KLK6: variants seen among roughly 807,000 people sequenced by gnomAD.
The protein encoded by KLK6 is kallikrein-6.
In KLK6, 16 loss-of-function variants were observed where a neutral mutation model predicts 21.7. The ratio of observed to expected loss-of-function variants is 0.74; its 90% CI spans 0.50 to 1.12. KLK6 has a LOEUF of 1.12. Among genes scored for constraint, KLK6 ranks in the 50% most tolerant of loss-of-function variants. The pLI, the probability that KLK6 is intolerant of heterozygous loss-of-function variation, is 0.00. For missense variants in KLK6, 276 were observed against 304.6 expected (o/e 0.91, Z 0.70); for synonymous variants, 116 against 120.1 (o/e 0.97, Z 0.22).
At chr19:50,966,079 C>G (rs182143369) in intron 4 of KLK6, among the ~76,000 whole-genome samples, 193 of 152,260 alleles carry the variant, frequency 1.3e-3, no homozygotes, top group African/African-American at 4.5e-3. Context: ...AACCTCCAGC[C>G]CTGACCTCTC....
chr19:50,964,098 C>T (rs1181586236), intron 4 of KLK6, among the ~76,000 whole-genome samples: 1 of 152,178 alleles, frequency 6.6e-6, no homozygotes, highest in Non-Finnish European at 1.5e-5. Flanking sequence ...CTCCCCTTCT[C>T]TCCCTCTGCT....
chr19:50,959,114 G>T lies in KLK6; in HGVS notation c.*50C>A, dbSNP rs768874555. ...CAAGGTCTAGGTGAGAGACGTTCTG[G>T]AACCAGCCAGTGGGGTGGTAGGTCG... On this transcript the variant is annotated 3_prime_UTR_variant, in exon 7 of 7. Coordinates refer to ENST00000310157, the MANE Select transcript of KLK6 (RefSeq NM_002774.4). 3.1e-6 allele frequency: 5 copies of T among 1,607,484 alleles called. No individual in the cohort carries two copies. The South Asian group carries it at 4.4e-5, about 14-fold the overall frequency.
At position 50,967,035 on chromosome 19, in the gene KLK6, C is replaced by G; in HGVS notation, c.197+134G>C. 4.5e-6 allele frequency: 4 copies of G among 890,460 alleles called. No homozygotes were observed. In the South Asian group the frequency reaches 4.6e-5, roughly 10 times the overall value. 55.2% of individuals were successfully genotyped at this position (890,460 alleles called of 1,614,324 possible). A position where few individuals can be genotyped will look rare whatever the true frequency, so the allele number is the denominator to read the frequency against. ...ACACATTAAGTACTCAATTAAGCAACAGCCGAATGCACCTGGCTATCAGAT... is the reference window on the plus strand; with the variant it reads ...ACACATTAAGTACTCAATTAAGCAAGAGCCGAATGCACCTGGCTATCAGAT... On this transcript the variant is annotated intron_variant, in intron 4 of 6. Transcript: ENST00000310157.
intron 4 of KLK6, among the ~76,000 whole-genome samples, chr19:50,966,575 C>G (rs951012601): frequency 2.0e-5 from 3 of 152,104 alleles, no homozygotes; most frequent in Admixed American, 6.5e-5. Flanking sequence ...GCGAGGCGGG[C>G]GGATCACCTG....
Position 50,959,161 on chromosome 19 carries a change from G to C in KLK6, c.*3C>G. On this transcript the variant is annotated 3_prime_UTR_variant, in exon 7 of 7. Coordinates refer to ENST00000310157, the MANE Select transcript of KLK6 (RefSeq NM_002774.4). ...GTCGGGAGGTAGATGTCACATGTCA[G>C]GGTCACTTGGCCTGAATGGTTTTTT... is the stretch of plus-strand genomic sequence containing the variant. The C allele has an allele frequency of 6.2e-7, 1 of 1,614,138 alleles. No homozygotes were observed. The highest frequency in any genetic ancestry group is 8.5e-7 in the Non-Finnish European group (1 of 1,180,006).
rs199553271 is a variant in KLK6 at position 50,968,061 on chromosome 19, C to T, written c.40+4G>A. ...CCTCCCCCATCCAAATGCCCTTTCC[C>T]CACCTGCAGCAATCAGACTCAGCAC... is the stretch of plus-strand genomic sequence containing the variant. On this transcript the variant is annotated splice_donor_region_variant and intron_variant, in intron 3 of 6. Coordinates refer to ENST00000310157, the MANE Select transcript of KLK6 (RefSeq NM_002774.4). 5 of 1,613,948 alleles carry T rather than the reference C, an allele frequency of 3.1e-6. No individual in the cohort carries two copies. Among genetic ancestry groups the T allele is most frequent in the Non-Finnish European group, 4.2e-6 (5 of 1,179,930 alleles).
At chr19:50,968,207 C>A in intron 2 of KLK6, 95 bp from the exon 3 acceptor site, 1 of 1,120,186 alleles carries the variant, frequency 8.9e-7, no homozygotes, top group Non-Finnish European at 1.4e-6. Context: ...TCCTTCCTGG[C>A]CTGCTATGGT....
chr19:50,963,659 C>T, intron 4 of KLK6, 110 bp from the exon 5 acceptor site: 2 of 1,300,558 alleles, frequency 1.5e-6, no homozygotes, highest in Non-Finnish European at 2.1e-6. Flanking sequence ...ACAGTCTTCC[C>T]CAGCTGGGTA....
intron 3 of KLK6, among the ~76,000 whole-genome samples, chr19:50,967,757 TACAA>T (rs1348760312): frequency 6.6e-6 from 1 of 151,464 alleles, no homozygotes; most frequent in Non-Finnish European, 1.5e-5. Context: ...CCATTCCCAT[TACAA>T]ACCCAACTGT....
chr19:50,958,998 G>T lies in KLK6; in HGVS notation c.*166C>A. The T allele has an allele frequency of 1.4e-6, 1 of 715,750 alleles. No individual in the cohort carries two copies. The allele number at this position is 715,750 out of a possible 1,614,324, so 44.3% of individuals were successfully genotyped here. A position where few individuals can be genotyped will look rare whatever the true frequency, so the allele number is the denominator to read the frequency against. The stretch of plus-strand genomic sequence containing the variant: ...CGTCCTCCCCAGTGATGCAAGGATG[G>T]AGCTGGGGTAAAACCAGGGAGAATC... On this transcript the variant is annotated 3_prime_UTR_variant, in exon 7 of 7. Coordinates refer to ENST00000310157, the MANE Select transcript of KLK6 (RefSeq NM_002774.4).
chr19:50,965,351 C>A (rs1309425838), intron 4 of KLK6, among the ~76,000 whole-genome samples: 1 of 151,502 alleles, frequency 6.6e-6, no homozygotes, highest in Non-Finnish European at 1.5e-5. Flanking sequence ...GTGGCGCGAT[C>A]TCGGCTCACT....
At chr19:50,963,754 A>AT (rs2090882756) in intron 4 of KLK6, 1 of 596,384 alleles carries the variant, frequency 1.7e-6, no homozygotes, top group Admixed American at 3.0e-5. Context: ...GCTGTCCAGA[A>AT]TTCCTTTTGC....
At position 50,963,342 on chromosome 19, in the gene KLK6, G is replaced by A; in HGVS notation, c.405C>T (p.Thr135=). Residue 135 remains threonine, a synonymous_variant, in exon 5 of 7, where the codon ACC becomes ACT. Coordinates refer to ENST00000310157, the MANE Select transcript of KLK6 (RefSeq NM_002774.4). ...CCCAGCCCAGGATGTGGCAGCTGGT[G>A]GTGTTGGCTGAGCAGTCCCTCTCCA... is the stretch of plus-strand genomic sequence containing the variant. ...LPLERDCSAN[T]TSCHILGWGK... is the part of the protein sequence containing the mutation. 1.2e-6 allele frequency: 2 copies of A among 1,614,116 alleles called. No individual in the cohort carries two copies. The highest frequency in any genetic ancestry group is 1.7e-6 in the Non-Finnish European group (2 of 1,180,008).
At chr19:50,968,274 C>T in intron 2 of KLK6, 162 bp from the exon 3 acceptor site, 1 of 692,308 alleles carries the variant, frequency 1.4e-6, no homozygotes. Context: ...CTTCCTCAGC[C>T]CACATCTTCC....
Position 50,959,213 on chromosome 19 carries a change from T to C in KLK6, c.686A>G (p.Asn229Ser). ...GATCCAGTTCGTGTATCTGCAGACG[T>C]TGGTGTAGACTCCTGGCTTCTCCTT... ...GSKEKPGVYT[N>S]VCRYTNWIQK... Residue 229 changes from asparagine to serine, a missense_variant, in exon 7 of 7, where the codon AAC (asparagine) becomes AGC (serine). Transcript: ENST00000310157. 1 of 1,614,034 alleles carries C rather than the reference T, an allele frequency of 6.2e-7. No homozygotes were observed. The highest frequency in any genetic ancestry group is 1.3e-5 in the African/African-American group (1 of 74,998).
intron 5 of KLK6, 60 bp downstream of exon 5, chr19:50,963,242 C>G: frequency 6.4e-7 from 1 of 1,571,662 alleles, no homozygotes. Context: ...ACTCCCCATC[C>G]TTTGGCACAC....
Position 50,963,562 on chromosome 19 carries a change from A to T in KLK6, c.198-13T>A. 4 of 1,613,618 alleles carry T rather than the reference A, an allele frequency of 2.5e-6. No homozygotes were observed. Among genetic ancestry groups the T allele is most frequent in the South Asian group, 1.1e-5 (1 of 91,012 alleles). ...GACCTGAAGATTCCTGGGAAGGAAG[A>T]GGGCTGGGTCTCACCTGGAGCCCTT... On this transcript the variant is annotated splice_polypyrimidine_tract_variant and intron_variant, in intron 4 of 6. Coordinates refer to ENST00000310157, the MANE Select transcript of KLK6 (RefSeq NM_002774.4).
chr19:50,959,226 C>T lies in KLK6; in HGVS notation c.673G>A (p.Gly225Arg), dbSNP rs1404343297. 1.4e-5 allele frequency: 23 copies of T among 1,613,922 alleles called. No homozygotes were observed. The highest frequency in any genetic ancestry group is 1.9e-5 in the Non-Finnish European group (23 of 1,180,018). The change falls in exon 7 of 7, where the codon GGA becomes AGA. Residue 225 changes from glycine (G) to arginine (R), a missense_variant. Gly to Arg is a moderately radical substitution (Grantham distance 125). Transcript: ENST00000310157. ...TATCTGCAGACGTTGGTGTAGACTCCTGGCTTCTCCTTTGATCCACAGGGG... is the reference window on the plus strand; with the variant it reads ...TATCTGCAGACGTTGGTGTAGACTCTTGGCTTCTCCTTTGATCCACAGGGG... ...NIPCGSKEKP[G>R]VYTNVCRYTN...
chr19:50,969,128 G>A (rs919189321), intron 1 of KLK6, among the ~76,000 whole-genome samples: 2 of 151,338 alleles, frequency 1.3e-5, no homozygotes, highest in Non-Finnish European at 3.0e-5. Context: ...TGAGGGAGGA[G>A]GGGCTGGGGG....
Sources: allele counts gnomAD v4.1 joint callset (sites outside exome capture counted in the v4.1 genomes callset), GRCh38; gene constraint gnomAD v4.1.1; transcripts MANE v1.5; gene names NCBI Gene and HGNC (gene_info 2026-07-23, HGNC 2026-07-21).